Variants in MIPOL1 observed in about 807,000 individuals in gnomAD.
MIPOL1 encodes the protein mirror-image polydactyly gene 1 protein.
MIPOL1 carries 57 observed loss-of-function variants against 60.9 expected under a neutral mutation model. The ratio of observed to expected loss-of-function variants is 0.94; its 90% CI spans 0.76 to 1.17. MIPOL1 has a LOEUF of 1.17. Among genes scored for constraint, MIPOL1 ranks in the 50% most tolerant of loss-of-function variants. The pLI is 0.00. For synonymous variants in MIPOL1, 179 were observed against 168.8 expected, an observed-to-expected ratio of 1.06 and a Z score of -0.47; for missense variants, 551 against 511.6, an observed-to-expected ratio of 1.08 and a Z score of -0.74.
intron 11 of MIPOL1, among the ~76,000 whole-genome samples, chr14:37,465,549 G>T (rs1177246862): frequency 6.6e-6 from 1 of 152,008 alleles, no homozygotes; most frequent in African/African-American, 2.4e-5. Flanking sequence ...GAACTTTAAT[G>T]ATTTTATTCT....
chr14:37,494,324 A>T (rs543461245), intron 11 of MIPOL1, among the ~76,000 whole-genome samples: 26 of 152,338 alleles, frequency 1.7e-4, no homozygotes, highest in African/African-American at 6.3e-4. Flanking sequence ...AAGGAAGAGT[A>T]GGATCTATGA....
At chr14:37,499,023 C>A (rs955267581) in intron 11 of MIPOL1, among the ~76,000 whole-genome samples, 1 of 151,984 alleles carries the variant, frequency 6.6e-6, no homozygotes, top group Non-Finnish European at 1.5e-5. Context: ...TGTCTCCAAT[C>A]GACATTTCCT....
chr14:37,219,205 A>T (rs926368506), intron 1 of MIPOL1, among the ~76,000 whole-genome samples: 1 of 152,168 alleles, frequency 6.6e-6, no homozygotes, highest in Non-Finnish European at 1.5e-5. Flanking sequence ...GGCTACAGTG[A>T]TCAAAGATGG....
intron 1 of MIPOL1, among the ~76,000 whole-genome samples, chr14:37,204,131 A>G (rs10145551): frequency 0.1 from 15,180 of 151,984 alleles, 1,043 homozygotes; most frequent in Non-Finnish European, 0.15. Context: ...GTTTGGAAGC[A>G]GATCCTCTCC....
intron 3 of MIPOL1, among the ~76,000 whole-genome samples, chr14:37,264,641 GTAGA>G (rs2082740976): frequency 6.6e-6 from 1 of 151,802 alleles, no homozygotes; most frequent in African/African-American, 2.4e-5. Context: ...AAAAAATTGT[GTAGA>G]TAGTTATAGA....
intron 1 of MIPOL1, among the ~76,000 whole-genome samples, chr14:37,231,532 G>A (rs915332624): frequency 2.0e-5 from 3 of 152,126 alleles, no homozygotes; most frequent in Non-Finnish European, 4.4e-5. Context: ...ATAGATGAAT[G>A]TCTTGTAGAT....
intron 12 of MIPOL1, among the ~76,000 whole-genome samples, chr14:37,521,911 T>TG (rs1555367648): frequency 8.5e-6 from 1 of 118,226 alleles, no homozygotes; most frequent in Non-Finnish European, 1.8e-5. Context: ...TATATATATA[T>TG]TTTTTTTTTC....
intron 3 of MIPOL1, among the ~76,000 whole-genome samples, chr14:37,254,382 T>C (rs1407738466): frequency 6.6e-6 from 1 of 151,834 alleles, no homozygotes; most frequent in Non-Finnish European, 1.5e-5. Context: ...CCTTTTAAGA[T>C]TCATAATTTC....
intron 1 of MIPOL1, among the ~76,000 whole-genome samples, chr14:37,242,284 G>T (rs1421005722): frequency 6.6e-6 from 1 of 151,670 alleles, no homozygotes; most frequent in Non-Finnish European, 1.5e-5. Context: ...CCTTTCTTCA[G>T]ACTAACCACT....
At chr14:37,231,100 T>C (rs527771588) in intron 1 of MIPOL1, among the ~76,000 whole-genome samples, 1 of 152,178 alleles carries the variant, frequency 6.6e-6, no homozygotes, top group South Asian at 2.1e-4. Context: ...TTAGTATTAT[T>C]ATTATTATTT....
intron 12 of MIPOL1, among the ~76,000 whole-genome samples, chr14:37,534,295 T>C (rs1347887522): frequency 6.6e-6 from 1 of 152,194 alleles, no homozygotes; most frequent in African/African-American, 2.4e-5. Context: ...GAGAGAAATC[T>C]GTTCTTTTTA....
At chr14:37,520,328 A>G (rs956713073) in intron 12 of MIPOL1, among the ~76,000 whole-genome samples, 3 of 152,172 alleles carry the variant, frequency 2.0e-5, no homozygotes, top group Non-Finnish European at 4.4e-5. Flanking sequence ...TTCAGTGCTA[A>G]TTATATATGA....
intron 12 of MIPOL1, among the ~76,000 whole-genome samples, chr14:37,529,491 T>A (rs2095467580): frequency 1.3e-5 from 2 of 152,138 alleles, no homozygotes; most frequent in Admixed American, 1.3e-4. Flanking sequence ...AGAATTAAGT[T>A]TAAAAGTATC....
chr14:37,222,759 A>G (rs1235240877), intron 1 of MIPOL1, among the ~76,000 whole-genome samples: 2 of 152,170 alleles, frequency 1.3e-5, no homozygotes, highest in African/African-American at 4.8e-5. Context: ...CTGAGCCCTT[A>G]ACAGAATTGT....
Position 37,483,015 on chromosome 14 carries a change from C to G in MIPOL1, c.1032-16893C>G, listed in dbSNP as rs2094894354. ...TACCTTAAATCATCTCTAGCTTATA[C>G]CTAACACAATGTAAATGCTATGCAA... On this transcript the variant is annotated intron_variant, in intron 11 of 12. Coordinates refer to ENST00000684589, the MANE Select transcript of MIPOL1 (RefSeq NM_001388067.1). 2.0e-5 allele frequency among the ~76,000 whole-genome samples: 3 copies of G among 151,922 alleles called. No homozygotes were observed. In the South Asian group the frequency reaches 6.2e-4, roughly 31 times the overall value.
intron 9 of MIPOL1, among the ~76,000 whole-genome samples, chr14:37,331,121 T>C (rs926590477): frequency 1.3e-5 from 2 of 152,258 alleles, no homozygotes; most frequent in Middle Eastern, 3.4e-3. Context: ...TACCATGCTG[T>C]TTTGATTGCC....
At chr14:37,359,785 A>G (rs1249594366) in intron 9 of MIPOL1, among the ~76,000 whole-genome samples, 1 of 151,750 alleles carries the variant, frequency 6.6e-6, no homozygotes, top group Non-Finnish European at 1.5e-5. Context: ...TTTGACTTCC[A>G]CTTTTCATAA....
intron 7 of MIPOL1, among the ~76,000 whole-genome samples, chr14:37,293,642 C>T (rs929329560): frequency 2.0e-5 from 3 of 152,168 alleles, no homozygotes; most frequent in Non-Finnish European, 2.9e-5. Flanking sequence ...GCTTATCAAA[C>T]GGCACACCAG....
intron 7 of MIPOL1, among the ~76,000 whole-genome samples, chr14:37,293,579 C>T (rs534825193): frequency 5.3e-5 from 8 of 152,224 alleles, no homozygotes; most frequent in African/African-American, 1.2e-4. Flanking sequence ...GGGTGACAGA[C>T]GGCACCTGGA....
Sources: allele counts gnomAD v4.1 joint callset (sites outside exome capture counted in the v4.1 genomes callset), GRCh38; gene constraint gnomAD v4.1.1; transcripts MANE v1.5; gene names NCBI Gene and HGNC (gene_info 2026-07-23, HGNC 2026-07-21).